The following FA2H variants were observed in gnomAD, a reference collection of about 807,000 sequenced individuals.
FA2H encodes the protein fatty acid 2-hydroxylase.
A neutral mutation model predicts 44.9 loss-of-function variants in FA2H; 22 were observed. The observed-to-expected ratio is 0.49, with a 90% CI of 0.35 to 0.70. FA2H has a LOEUF of 0.70. FA2H is among the 30% of genes least tolerant of loss of function. The pLI is 0.01. For synonymous variants in FA2H, 243 were observed against 213.2 expected (o/e 1.14, Z -1.22); for missense variants, 501 against 504.9 (o/e 0.99, Z 0.07).
At chr16:74,724,427 T>C (rs1207119659) in intron 4 of FA2H, among the ~76,000 whole-genome samples, 1 of 152,206 alleles carries the variant, frequency 6.6e-6, no homozygotes, top group African/African-American at 2.4e-5. Flanking sequence ...TTTGAAAGCA[T>C]TTTCATGTGC....
chr16:74,732,423 A>ATTCTTT (rs980675204), intron 2 of FA2H, among the ~76,000 whole-genome samples: 5 of 151,826 alleles, frequency 3.3e-5, no homozygotes, highest in Non-Finnish European at 7.4e-5. Context: ...ATGGCATAGG[A>ATTCTTT]TTCTTTTTCT....
At chr16:74,773,425 G>A (rs534055235) in intron 1 of FA2H, among the ~76,000 whole-genome samples, 15 of 152,208 alleles carry the variant, frequency 9.9e-5, no homozygotes, top group African/African-American at 9.6e-5. Flanking sequence ...ATCCACTGAG[G>A]GTCTTGAAAT....
chr16:74,751,429 G>A (rs1819323623), intron 1 of FA2H, among the ~76,000 whole-genome samples: 3 of 152,002 alleles, frequency 2.0e-5, no homozygotes, highest in South Asian at 4.2e-4. Context: ...CAAAGTCTAC[G>A]CAGTGAGTCC....
chr16:74,716,392 G>A lies in FA2H; in HGVS notation c.994C>T (p.Leu332=). ...TGGTGCTTGACGTGGTGGGCCTTCA[G>A]GCTGTACAGGTAGGAGCCCTTGTGC... is the stretch of plus-strand genomic sequence containing the variant. ...SPHKGSYLYS[L]KAHHVKHHFA... The change falls in exon 6 of 7, where the codon CTG becomes TTG. Residue 332 remains leucine (L), a synonymous_variant. Coordinates refer to ENST00000219368, the MANE Select transcript of FA2H (RefSeq NM_024306.5). 6.2e-7 allele frequency: 1 copy of A among 1,614,092 alleles called. No individual in the cohort carries two copies. The highest frequency in any genetic ancestry group is 8.5e-7 in the Non-Finnish European group (1 of 1,180,016).
chr16:74,726,043 G>T (rs991925494), intron 4 of FA2H, 182 bp downstream of exon 4: 3 of 600,866 alleles, frequency 5.0e-6, no homozygotes, highest in African/African-American at 1.8e-5. Context: ...ATCCATTTGG[G>T]GGGTAGATGG....
chr16:74,750,566 A>C (rs1230452621), intron 1 of FA2H, among the ~76,000 whole-genome samples: 8 of 152,224 alleles, frequency 5.3e-5, no homozygotes, highest in African/African-American at 9.6e-5. Context: ...AACAACAACA[A>C]CACCCTCCCT....
intron 4 of FA2H, among the ~76,000 whole-genome samples, chr16:74,725,297 C>T (rs1961928047): frequency 6.6e-6 from 1 of 152,198 alleles, no homozygotes; most frequent in African/African-American, 2.4e-5. Context: ...GGGAAAAGAG[C>T]TTCCCCTGGC....
intron 5 of FA2H, chr16:74,716,879 C>T: frequency 2.1e-6 from 1 of 483,440 alleles, no homozygotes. Context: ...GTGGGGTGTG[C>T]TGGCGGCTCA....
At chr16:74,761,458 A>AAAG (rs1364976492) in intron 1 of FA2H, among the ~76,000 whole-genome samples, 18 of 93,596 alleles carry the variant, frequency 1.9e-4, no homozygotes, top group African/African-American at 7.8e-4. Flanking sequence ...GTCTCAAAAA[A>AAAG]AAAGAAAGAA....
chr16:74,731,700 G>C (rs1297094142), intron 2 of FA2H, among the ~76,000 whole-genome samples: 1 of 151,664 alleles, frequency 6.6e-6, no homozygotes, highest in African/African-American at 2.4e-5. Context: ...TTTTCTATTT[G>C]TCTCCTCTGT....
chr16:74,754,116 C>T (rs1051624339), intron 1 of FA2H, among the ~76,000 whole-genome samples: 1 of 152,158 alleles, frequency 6.6e-6, no homozygotes, highest in Non-Finnish European at 1.5e-5. Context: ...TGTATTGGGG[C>T]CAGGCACAGT....
intron 2 of FA2H, among the ~76,000 whole-genome samples, chr16:74,729,703 G>A (rs755429228): frequency 5.3e-5 from 8 of 152,168 alleles, no homozygotes; most frequent in Non-Finnish European, 1.2e-4. Context: ...CTGGAGTCAG[G>A]GGAACACCAT....
chr16:74,746,371 TATTATTA>T (rs1415651406), intron 1 of FA2H, among the ~76,000 whole-genome samples: 1 of 96,822 alleles, frequency 1.0e-5, no homozygotes, highest in African/African-American at 3.9e-5. Context: ...TTATTATTAT[TATTATTA>T]TTTTTTTTTT....
At chr16:74,716,763 G>T in intron 5 of FA2H, 164 bp from the exon 6 acceptor site, 1 of 672,370 alleles carries the variant, frequency 1.5e-6, no homozygotes, top group Non-Finnish European at 2.4e-6. Context: ...ACCACGTCTG[G>T]AAGATCTGGA....
intron 4 of FA2H, among the ~76,000 whole-genome samples, chr16:74,722,531 G>A (rs1386701436): frequency 1.3e-5 from 2 of 151,938 alleles, no homozygotes; most frequent in Admixed American, 6.6e-5. Flanking sequence ...GCAAGACCCT[G>A]TCTCAAAAAG....
At chr16:74,741,775 T>C (rs1255131206) in intron 1 of FA2H, among the ~76,000 whole-genome samples, 772 of 33,642 alleles carry the variant, frequency 0.023, 17 homozygotes, top group Non-Finnish European at 0.031. Context: ...CCTGATTAAA[T>C]ATATATATAT....
chr16:74,765,672 A>G (rs1227533581), intron 1 of FA2H, among the ~76,000 whole-genome samples: 1 of 152,044 alleles, frequency 6.6e-6, no homozygotes, highest in Non-Finnish European at 1.5e-5. Flanking sequence ...GGCTCAAGCA[A>G]TCTCCCAAAT....
intron 1 of FA2H, among the ~76,000 whole-genome samples, chr16:74,748,008 G>C (rs1256282100): frequency 6.6e-6 from 1 of 152,162 alleles, no homozygotes; most frequent in Non-Finnish European, 1.5e-5. Context: ...CCTATGCTGA[G>C]GACGCGGCAG....
At chr16:74,757,118 C>T (rs1962626630) in intron 1 of FA2H, among the ~76,000 whole-genome samples, 1 of 150,782 alleles carries the variant, frequency 6.6e-6, no homozygotes, top group Admixed American at 6.6e-5. Flanking sequence ...AAAAAACAGG[C>T]TAATACCCTT....
Sources: gnomAD v4.1 joint callset for allele counts (sites outside exome capture counted in the v4.1 genomes callset) on GRCh38, gnomAD v4.1.1 for gene constraint, MANE v1.5 for transcripts, NCBI Gene and HGNC (gene_info 2026-07-23, HGNC 2026-07-21) for gene names.